ZBTB20: variants seen among roughly 807,000 people sequenced by gnomAD.
ZBTB20 encodes the protein zinc finger and BTB domain containing 20.
Under a neutral mutation model 56.9 loss-of-function variants are expected in ZBTB20, and 9 were observed. The ratio of observed to expected loss-of-function variants is 0.16; its 90% CI spans 0.10 to 0.28. ZBTB20 has a LOEUF of 0.28. ZBTB20 is among the 10% of genes least tolerant of loss of function. The pLI is 1.00. For synonymous variants in ZBTB20, 417 were observed against 420.7 expected, an observed-to-expected ratio of 0.99 and a Z score of 0.11; for missense variants, 655 against 1,003.0, an observed-to-expected ratio of 0.65 and a Z score of 4.69.
intron 6 of ZBTB20, among the ~76,000 whole-genome samples, chr3:114,632,857 C>T (rs927042945): frequency 2.6e-5 from 4 of 152,180 alleles, no homozygotes; most frequent in African/African-American, 9.7e-5. Flanking sequence ...AAGAATCATT[C>T]TCTTAATGTC....
At chr3:114,768,466 C>A (rs2068939866) in intron 5 of ZBTB20, among the ~76,000 whole-genome samples, 1 of 151,856 alleles carries the variant, frequency 6.6e-6, no homozygotes. Context: ...CATTGAAAAC[C>A]AACACCATTT....
At chr3:114,413,954 T>C (rs1200414420) in intron 7 of ZBTB20, among the ~76,000 whole-genome samples, 1 of 152,166 alleles carries the variant, frequency 6.6e-6, no homozygotes. Context: ...AGATGACTAA[T>C]TTAACCTGTT....
At chr3:114,628,865 T>C (rs1312307693) in intron 6 of ZBTB20, among the ~76,000 whole-genome samples, 1 of 152,190 alleles carries the variant, frequency 6.6e-6, no homozygotes, top group Non-Finnish European at 1.5e-5. Context: ...TGATAGACTG[T>C]TAACACTTTG....
chr3:114,949,053 G>C (rs143323356), intron 3 of ZBTB20, among the ~76,000 whole-genome samples: 1 of 146,060 alleles, frequency 6.8e-6, no homozygotes, highest in Non-Finnish European at 1.5e-5. Flanking sequence ...TCACTACTTA[G>C]TCATGCATCA....
intron 4 of ZBTB20, among the ~76,000 whole-genome samples, chr3:114,850,845 G>A (rs2074964318): frequency 6.6e-6 from 1 of 152,188 alleles, no homozygotes; most frequent in Non-Finnish European, 1.5e-5. Flanking sequence ...GGAAGACTGT[G>A]TAGCCTCAAA....
At chr3:114,429,541 C>T (rs2089964726) in intron 7 of ZBTB20, among the ~76,000 whole-genome samples, 1 of 152,128 alleles carries the variant, frequency 6.6e-6, no homozygotes, top group Non-Finnish European at 1.5e-5. Context: ...TCCTTCTGCC[C>T]AGTCTCTGAG....
At chr3:114,690,518 C>T (rs1293168154) in intron 6 of ZBTB20, among the ~76,000 whole-genome samples, 3 of 152,152 alleles carry the variant, frequency 2.0e-5, no homozygotes, top group Non-Finnish European at 4.4e-5. Context: ...GAGCATTCCT[C>T]ATCTGTGGAA....
intron 4 of ZBTB20, among the ~76,000 whole-genome samples, chr3:114,890,332 T>G (rs2076759262): frequency 6.6e-6 from 1 of 152,210 alleles, no homozygotes; most frequent in Non-Finnish European, 1.5e-5. Context: ...ATACAGAATC[T>G]TGGCAGTGAT....
chr3:114,470,572 A>C (rs915755454), intron 7 of ZBTB20, among the ~76,000 whole-genome samples: 1 of 152,158 alleles, frequency 6.6e-6, no homozygotes, highest in Non-Finnish European at 1.5e-5. Flanking sequence ...TCTAATCTTC[A>C]TAATAAGTCT....
chr3:114,648,520 A>T (rs10511336), intron 6 of ZBTB20, among the ~76,000 whole-genome samples: 3,869 of 152,096 alleles, frequency 0.025, 77 homozygotes, highest in East Asian at 0.11. Flanking sequence ...GTCATTCATA[A>T]AAGTGTACTG....
At chr3:114,878,774 T>G (rs375495744) in intron 4 of ZBTB20, among the ~76,000 whole-genome samples, 2 of 152,136 alleles carry the variant, frequency 1.3e-5, no homozygotes, top group African/African-American at 4.8e-5. Flanking sequence ...TTAACAATTA[T>G]TGAAAACACA....
intron 4 of ZBTB20, among the ~76,000 whole-genome samples, chr3:114,851,150 G>A (rs2074981635): frequency 6.6e-6 from 1 of 152,130 alleles, no homozygotes; most frequent in Non-Finnish European, 1.5e-5. Flanking sequence ...GCAAATCAAT[G>A]AGACAAGATA....
intron 11 of ZBTB20, among the ~76,000 whole-genome samples, chr3:114,348,912 T>A (rs965792096): frequency 1.2e-4 from 19 of 152,302 alleles, no homozygotes; most frequent in African/African-American, 4.3e-4. Context: ...AATAAGGGTA[T>A]TCTGAGGCCA....
intron 2 of ZBTB20, among the ~76,000 whole-genome samples, chr3:115,066,905 T>G (rs2082226495): frequency 6.6e-6 from 1 of 152,114 alleles, no homozygotes; most frequent in Non-Finnish European, 1.5e-5. Flanking sequence ...CCATTTAAAA[T>G]TATTAAAGTG....
chr3:114,840,113 G>A (rs1201774050), intron 4 of ZBTB20, among the ~76,000 whole-genome samples: 4 of 152,162 alleles, frequency 2.6e-5, no homozygotes, highest in African/African-American at 9.7e-5. Context: ...GTTTAGACCT[G>A]GGGTTTCTCT....
At chr3:114,926,674 A>G (rs2076169086) in intron 3 of ZBTB20, among the ~76,000 whole-genome samples, 1 of 152,250 alleles carries the variant, frequency 6.6e-6, no homozygotes, top group African/African-American at 2.4e-5. Context: ...ACAGAAATAT[A>G]TGCCATCAAA....
intron 7 of ZBTB20, among the ~76,000 whole-genome samples, chr3:114,469,213 A>T (rs2092664554): frequency 6.6e-6 from 1 of 152,086 alleles, no homozygotes; most frequent in Admixed American, 6.6e-5. Context: ...GTTTGGAAAT[A>T]TATTTCTAGG....
chr3:114,730,268 T>C (rs566377773), intron 5 of ZBTB20, among the ~76,000 whole-genome samples: 4 of 152,178 alleles, frequency 2.6e-5, no homozygotes, highest in Admixed American at 2.0e-4. Context: ...AGCAACAGGA[T>C]ATACATAACT....
chr3:114,514,821 T>C (rs1036469741), intron 6 of ZBTB20, among the ~76,000 whole-genome samples: 8 of 152,140 alleles, frequency 5.3e-5, no homozygotes, highest in African/African-American at 1.7e-4. Context: ...TAAAAGAGCA[T>C]GCCTAGAGGG....
Sources: gnomAD v4.1 joint callset for allele counts (sites outside exome capture counted in the v4.1 genomes callset) on GRCh38, gnomAD v4.1.1 for gene constraint, MANE v1.5 for transcripts, NCBI Gene and HGNC (gene_info 2026-07-23, HGNC 2026-07-21) for gene names.